The following CLASP2 variants were observed in gnomAD, a reference collection of about 807,000 sequenced individuals.
CLASP2 encodes the protein CLIP-associating protein 2.
CLASP2 carries 47 observed loss-of-function variants against 194.4 expected under a neutral mutation model. That is an observed-to-expected ratio of 0.24 (90% CI 0.19 to 0.31). The LOEUF is 0.31. CLASP2 is among the 10% of genes least tolerant of loss of function. CLASP2 has a pLI of 1.00. For synonymous variants in CLASP2, 619 were observed against 633.5 expected, an observed-to-expected ratio of 0.98 and a Z score of 0.34; for missense variants, 1,445 against 1,823.6, an observed-to-expected ratio of 0.79 and a Z score of 3.78.
intron 10 of CLASP2, among the ~76,000 whole-genome samples, chr3:33,625,563 CTTT>C (rs201541782): frequency 1.4e-5 from 2 of 139,138 alleles, no homozygotes; most frequent in Admixed American, 7.2e-5. Context: ...TGATCTCTCT[CTTT>C]TTTTTTTTTT....
intron 14 of CLASP2, among the ~76,000 whole-genome samples, chr3:33,608,272 T>TA (rs2074321152): frequency 6.6e-6 from 1 of 152,180 alleles, no homozygotes; most frequent in Non-Finnish European, 1.5e-5. Flanking sequence ...TCAGGAAACT[T>TA]ACATCATATG....
chr3:33,633,018 G>T (rs113546712), intron 8 of CLASP2, among the ~76,000 whole-genome samples: 2 of 152,054 alleles, frequency 1.3e-5, no homozygotes, highest in Non-Finnish European at 2.9e-5. Context: ...CTGGCAATAG[G>T]GGGTGTTGGA....
chr3:33,648,453 T>C (rs2082646008), intron 7 of CLASP2, among the ~76,000 whole-genome samples: 1 of 152,106 alleles, frequency 6.6e-6, no homozygotes, highest in South Asian at 2.1e-4. Flanking sequence ...GAACCCTGAA[T>C]ATTTATGTAC....
At chr3:33,671,748 G>A (rs1575464490) in intron 6 of CLASP2, among the ~76,000 whole-genome samples, 1 of 152,198 alleles carries the variant, frequency 6.6e-6, no homozygotes, top group Admixed American at 6.5e-5. Context: ...TGAATACTGC[G>A]CTTTTCCGAC....
intron 8 of CLASP2, among the ~76,000 whole-genome samples, chr3:33,643,561 A>C (rs1468539432): frequency 2.0e-5 from 3 of 151,992 alleles, no homozygotes; most frequent in Admixed American, 2.0e-4. Context: ...TGAAACATCC[A>C]GAGAAATCAG....
intron 10 of CLASP2, among the ~76,000 whole-genome samples, chr3:33,622,661 A>G (rs1369550562): frequency 6.6e-6 from 1 of 152,176 alleles, no homozygotes; most frequent in Non-Finnish European, 1.5e-5. Context: ...AAAATTTACT[A>G]TTTTAACCAT....
chr3:33,678,156 G>A (rs2089169544), intron 6 of CLASP2, among the ~76,000 whole-genome samples: 1 of 151,730 alleles, frequency 6.6e-6, no homozygotes, highest in Non-Finnish European at 1.5e-5. Context: ...ATGTTAATGG[G>A]GATAATAGAA....
At chr3:33,606,841 G>T in intron 15 of CLASP2, 83 bp from the exon 16 acceptor site, 1 of 996,188 alleles carries the variant, frequency 1.0e-6, no homozygotes, top group South Asian at 1.6e-5. Flanking sequence ...CAAGAAGGAT[G>T]AAGATAAGCC....
Position 33,600,953 on chromosome 3 carries a change from C to CTTTT in CLASP2, c.1924+1995_1924+1998dup, listed in dbSNP as rs1205156622. On this transcript the variant is annotated intron_variant, in intron 18 of 38. Transcript: ENST00000682230. ...TTCACATCAGTGTTGCTTGATAAGG[C>CTTTT]TTTTTTTTTTTTTTTTTTTTTTTGA... 2.4e-3 allele frequency among the ~76,000 whole-genome samples: 258 copies of CTTTT among 105,772 alleles called. 1 individual carries two copies. The highest frequency in any genetic ancestry group is 2.8e-3 in the Non-Finnish European group (152 of 54,344). The allele number at this position is 105,772 out of a possible 152,430, so 69.4% of individuals were successfully genotyped here.
chr3:33,639,304 C>T (rs1466876080), intron 8 of CLASP2, among the ~76,000 whole-genome samples: 2 of 152,148 alleles, frequency 1.3e-5, no homozygotes, highest in Non-Finnish European at 2.9e-5. Flanking sequence ...GCAACCCACC[C>T]ACCTCCATCT....
chr3:33,647,287 ATAT>A (rs2082429307), intron 7 of CLASP2, among the ~76,000 whole-genome samples: 1 of 152,128 alleles, frequency 6.6e-6, no homozygotes, highest in South Asian at 2.1e-4. Flanking sequence ...ATGCATAGTA[ATAT>A]CTATGGCACC....
At chr3:33,634,062 C>G (rs1279958197) in intron 8 of CLASP2, among the ~76,000 whole-genome samples, 2 of 152,060 alleles carry the variant, frequency 1.3e-5, no homozygotes, top group Non-Finnish European at 2.9e-5. Context: ...GGCGGTGTAA[C>G]TGCACAACTC....
intron 13 of CLASP2, among the ~76,000 whole-genome samples, chr3:33,608,869 C>T (rs1001666160): frequency 2.7e-5 from 4 of 149,374 alleles, no homozygotes; most frequent in Non-Finnish European, 4.4e-5. Context: ...TCTCTTGTCT[C>T]GGCCTCCCAA....
At chr3:33,663,418 A>C in intron 7 of CLASP2, 27 bp downstream of exon 7, 1 of 1,587,310 alleles carries the variant, frequency 6.3e-7, no homozygotes, top group East Asian at 2.2e-5. Context: ...TAGTCTTAGA[A>C]ATGTTTGAGA....
intron 36 of CLASP2, 81 bp from the exon 37 acceptor site, chr3:33,510,845 A>T: frequency 8.3e-7 from 1 of 1,204,918 alleles, no homozygotes; most frequent in Admixed American, 2.3e-5. Flanking sequence ...TTCATGAAGT[A>T]TTCAATATAA....
intron 7 of CLASP2, among the ~76,000 whole-genome samples, chr3:33,653,115 T>C (rs1407295545): frequency 6.6e-6 from 1 of 152,140 alleles, no homozygotes; most frequent in Non-Finnish European, 1.5e-5. Context: ...GGGGGAACTG[T>C]ATAAAGGACA....
chr3:33,607,456 G>A lies in CLASP2; in HGVS notation c.1454C>T (p.Ala485Val), dbSNP rs751268788. 4 of 1,603,432 alleles carry A rather than the reference G, an allele frequency of 2.5e-6. No individual in the cohort carries two copies. The highest frequency in any genetic ancestry group is 3.4e-6 in the Non-Finnish European group (4 of 1,174,652). Reference sequence around the variant, plus strand: ...TTTAATAGTTTCAACCAAGACGGCTGCATGTCTATAAAATAAAATACATCT... The same window carrying A: ...TTTAATAGTTTCAACCAAGACGGCTACATGTCTATAAAATAAAATACATCT... ...EWQTHSLERH[A>V]AVLVETIKKG... The change falls in exon 15 of 39, where the codon GCA (alanine) becomes GTA (valine). Residue 485 changes from alanine (A) to valine (V), a missense_variant. Coordinates refer to ENST00000682230, the MANE Select transcript of CLASP2 (RefSeq NM_001365631.1).
At chr3:33,715,525 T>C (rs1179908409) in intron 1 of CLASP2, among the ~76,000 whole-genome samples, 7 of 152,146 alleles carry the variant, frequency 4.6e-5, no homozygotes, top group African/African-American at 1.7e-4. Context: ...TTTTTCACAT[T>C]GTATCTGCAA....
intron 8 of CLASP2, among the ~76,000 whole-genome samples, chr3:33,638,085 G>C (rs2080509038): frequency 6.6e-6 from 1 of 152,142 alleles, no homozygotes; most frequent in Non-Finnish European, 1.5e-5. Flanking sequence ...AAAGCAACTT[G>C]TGAAGTTTTT....
Sources: gnomAD v4.1 joint callset for allele counts (sites outside exome capture counted in the v4.1 genomes callset) on GRCh38, gnomAD v4.1.1 for gene constraint, MANE v1.5 for transcripts, NCBI Gene and HGNC (gene_info 2026-07-23, HGNC 2026-07-21) for gene names.